The following HDHD2 variants were observed in gnomAD, a reference collection of about 807,000 sequenced individuals.
The protein encoded by HDHD2 is haloacid dehalogenase-like hydrolase domain-containing protein 2.
HDHD2 carries 26 observed loss-of-function variants against 24.8 expected under a neutral mutation model. The ratio of observed to expected loss-of-function variants is 1.05; its 90% CI spans 0.77 to 1.45. HDHD2 has a LOEUF of 1.45. HDHD2 is among the 40% of genes most tolerant of loss of function. The pLI is 0.00. For missense variants in HDHD2, 299 were observed against 313.4 expected (o/e 0.95, Z 0.35); for synonymous variants, 128 against 114.9 (o/e 1.11, Z -0.73).
chr18:47,131,660 T>G (rs895356616), intron 3 of HDHD2, among the ~76,000 whole-genome samples: 8 of 152,332 alleles, frequency 5.3e-5, no homozygotes, highest in African/African-American at 1.9e-4. Context: ...TGTATTTAAC[T>G]TACTTGATTT....
chr18:47,141,091 A>G (rs79078752), intron 1 of HDHD2, among the ~76,000 whole-genome samples: 8,212 of 152,304 alleles, frequency 0.054, 280 homozygotes, highest in East Asian at 0.13. Context: ...AAGTAAACTT[A>G]CTGTAGAACT....
At position 47,134,666 on chromosome 18, in the gene HDHD2, T is replaced by C. The variant is rs377488580; in HGVS notation, c.140A>G (p.Asn47Ser). The C allele has an allele frequency of 1.9e-6, 3 of 1,614,060 alleles. No individual in the cohort carries two copies. The highest frequency in any genetic ancestry group is 2.7e-5 in the African/African-American group (2 of 74,934). The stretch of plus-strand genomic sequence containing the variant: ...GTCTTGCTTGCTCTCTTTGGTTGTA[T>C]TGGTCACAAACCTAATGATTACAGA... ...GASVIIRFVT[N>S]TTKESKQDLL... Residue 47 changes from asparagine (N) to serine (S), a missense_variant, in exon 3 of 7, where the codon AAT becomes AGT. Coordinates refer to ENST00000300605, the MANE Select transcript of HDHD2 (RefSeq NM_032124.5).
intron 2 of HDHD2, among the ~76,000 whole-genome samples, chr18:47,135,966 A>G (rs539833388): frequency 2.6e-5 from 4 of 152,338 alleles, no homozygotes; most frequent in African/African-American, 9.6e-5. Flanking sequence ...AAAACAAGAA[A>G]GAGCAGCATT....
In HDHD2 at chr18:47,140,527, C is replaced by CT. The variant is rs113654730; in HGVS notation, c.-10-4079dup. ...TTATATCCTTTAACCATTCCAAACTCTTTTTTTTTGAGACAGGGCCTTGTT... is the reference window on the plus strand; with the variant it reads ...TTATATCCTTTAACCATTCCAAACTCTTTTTTTTTTGAGACAGGGCCTTGTT... On this transcript the variant is annotated intron_variant, in intron 1 of 6. Coordinates refer to ENST00000300605, the MANE Select transcript of HDHD2 (RefSeq NM_032124.5). Among the ~76,000 whole-genome samples, 1,026 of 151,230 alleles carry CT rather than the reference C, an allele frequency of 6.8e-3. 13 individuals are homozygous for CT. The highest frequency in any genetic ancestry group is 0.024 in the African/African-American group (975 of 41,208).
At chr18:47,132,318 T>C (rs778004085) in intron 3 of HDHD2, among the ~76,000 whole-genome samples, 11 of 152,214 alleles carry the variant, frequency 7.2e-5, no homozygotes, top group Non-Finnish European at 1.0e-4. Flanking sequence ...TTTGTGAATA[T>C]ATCACAGTTT....
At chr18:47,109,237 AG>A (rs1202123848) in intron 6 of HDHD2, 2 of 156,118 alleles carry the variant, frequency 1.3e-5, no homozygotes, top group Non-Finnish European at 2.8e-5. Flanking sequence ...GCAGCCCGGG[AG>A]CCCAGCAGAT....
At chr18:47,118,602 A>T (rs2063576562) in intron 4 of HDHD2, among the ~76,000 whole-genome samples, 1 of 152,150 alleles carries the variant, frequency 6.6e-6, no homozygotes, top group Non-Finnish European at 1.5e-5. Context: ...GAGGGAGACC[A>T]TCAGGAAAAA....
At chr18:47,138,629 G>C (rs745473681) in intron 1 of HDHD2, among the ~76,000 whole-genome samples, 1 of 152,164 alleles carries the variant, frequency 6.6e-6, no homozygotes, top group African/African-American at 2.4e-5. Flanking sequence ...GCGAAAGAAG[G>C]ATGTTTTCAT....
intron 3 of HDHD2, among the ~76,000 whole-genome samples, chr18:47,134,049 A>G (rs766270141): frequency 6.6e-6 from 1 of 152,260 alleles, no homozygotes; most frequent in East Asian, 1.9e-4. Context: ...GAAGTCCTTG[A>G]CCATGCCTAT....
At chr18:47,119,184 T>C (rs952695803) in intron 4 of HDHD2, among the ~76,000 whole-genome samples, 4 of 152,130 alleles carry the variant, frequency 2.6e-5, no homozygotes, top group African/African-American at 7.2e-5. Flanking sequence ...TCACTGAAGG[T>C]TGAGTCACTG....
Position 47,107,856 on chromosome 18 carries a change from A to G in HDHD2, c.*826T>C, listed in dbSNP as rs907201607. 2 of 152,660 alleles carry G rather than the reference A, an allele frequency of 1.3e-5. No homozygotes were observed. The highest frequency in any genetic ancestry group is 2.9e-5 in the Non-Finnish European group (2 of 68,036). 9.5% of individuals were successfully genotyped at this position (152,660 alleles called of 1,614,324 possible). On this transcript the variant is annotated 3_prime_UTR_variant, in exon 7 of 7. Coordinates refer to ENST00000300605, the MANE Select transcript of HDHD2 (RefSeq NM_032124.5). ...TAGTGGACACTAACTTCAAAAATGC[A>G]TGGTCTATAAGATATTATAAGGCTT...
In HDHD2 at chr18:47,107,479, A is replaced by G. The variant is rs1318165603; in HGVS notation, c.*1203T>C. ...ACTGCTGATCTCTAAACAAGCATCA[A>G]AACCCGAAGCTCATTAACATCAGAG... On this transcript the variant is annotated 3_prime_UTR_variant, in exon 7 of 7. Transcript: ENST00000300605. 1 of 152,648 alleles carries G rather than the reference A, an allele frequency of 6.6e-6. No homozygotes were observed. The highest frequency in any genetic ancestry group is 1.5e-5 in the Non-Finnish European group (1 of 68,036). The allele number at this position is 152,648 out of a possible 1,614,324, so 9.5% of individuals were successfully genotyped here.
chr18:47,144,714 T>C (rs1781067990), intron 1 of HDHD2, among the ~76,000 whole-genome samples: 1 of 150,166 alleles, frequency 6.7e-6, no homozygotes, highest in Non-Finnish European at 1.5e-5. Flanking sequence ...TGGGAGGGAC[T>C]GCTTGGGCTC....
chr18:47,142,703 C>CA lies in HDHD2; in HGVS notation c.-10-6255dup, dbSNP rs903634577. Among the ~76,000 whole-genome samples the CA allele has an allele frequency of 2.4e-3, 361 of 151,814 alleles. 2 individuals carry two copies. Among genetic ancestry groups the CA allele is most frequent in the African/African-American group, 8.0e-3 (330 of 41,418 alleles). The stretch of plus-strand genomic sequence containing the variant: ...AGACCATAAATATTTAAGTAATGAA[C>CA]AAAAAAAACATTACAGCTACACAGG... On this transcript the variant is annotated intron_variant, in intron 1 of 6. Coordinates refer to ENST00000300605, the MANE Select transcript of HDHD2 (RefSeq NM_032124.5).
At chr18:47,142,943 C>T (rs1331882535) in intron 1 of HDHD2, among the ~76,000 whole-genome samples, 1 of 152,036 alleles carries the variant, frequency 6.6e-6, no homozygotes, top group Non-Finnish European at 1.5e-5. Flanking sequence ...TGACAAACTA[C>T]TCTTAAATGA....
At chr18:47,121,269 A>G (rs1009497916) in intron 4 of HDHD2, among the ~76,000 whole-genome samples, 8 of 152,176 alleles carry the variant, frequency 5.3e-5, no homozygotes, top group Admixed American at 5.2e-4. Context: ...CACCTACCAT[A>G]TGTCCAACGT....
At chr18:47,148,577 G>C (rs72907261) in intron 1 of HDHD2, among the ~76,000 whole-genome samples, 1,825 of 152,238 alleles carry the variant, frequency 0.012, 20 homozygotes, top group Non-Finnish European at 0.019. Context: ...GGACATCTGG[G>C]CTTGAATATC....
intron 1 of HDHD2, among the ~76,000 whole-genome samples, chr18:47,137,938 G>A (rs1261514764): frequency 3.3e-5 from 5 of 151,396 alleles, no homozygotes; most frequent in Non-Finnish European, 7.4e-5. Flanking sequence ...AGGCCGACGC[G>A]GGCGGATCAC....
Position 47,112,626 on chromosome 18 carries a change from T to G in HDHD2, c.676+351A>C, listed in dbSNP as rs532201795. Among the ~76,000 whole-genome samples the G allele has an allele frequency of 2.8e-4, 42 of 152,302 alleles. No homozygotes were observed. The Middle Eastern group carries it at 0.01, about 37-fold the overall frequency. ...CCTAAAGAAATCAGTATCACAGGTA[T>G]AGCCAGCACAAAAATAAAAGGTATT... On this transcript the variant is annotated intron_variant, in intron 6 of 6. Transcript: ENST00000300605.
Sources: allele counts gnomAD v4.1 joint callset (sites outside exome capture counted in the v4.1 genomes callset), GRCh38; gene constraint gnomAD v4.1.1; transcripts MANE v1.5; gene names NCBI Gene and HGNC (gene_info 2026-07-23, HGNC 2026-07-21).